The following PM20D1 variants were observed in gnomAD, a reference collection of about 807,000 sequenced individuals.
PM20D1 encodes peptidase M20 domain containing 1.
PM20D1 carries 53 observed loss-of-function variants against 53.8 expected under a neutral mutation model. That is an observed-to-expected ratio of 0.98 (90% CI 0.79 to 1.24). PM20D1 has a LOEUF of 1.24. Ranked by LOEUF, PM20D1 falls within the 50% of genes most tolerant of loss-of-function variation. The pLI is 0.00. For synonymous variants in PM20D1, 239 were observed against 241.3 expected, an observed-to-expected ratio of 0.99 and a Z score of 0.09; for missense variants, 564 against 616.8, an observed-to-expected ratio of 0.91 and a Z score of 0.91.
At chr1:205,830,075 C>T (rs1050142987) in intron 12 of PM20D1, 3 of 484,108 alleles carry the variant, frequency 6.2e-6, no homozygotes, top group Non-Finnish European at 1.1e-5. Flanking sequence ...AAAGAGGGGC[C>T]AATTTCCATA....
chr1:205,850,052 G>A lies in PM20D1; in HGVS notation c.21C>T (p.Cys7=). 6.2e-7 allele frequency: 1 copy of A among 1,613,796 alleles called. No individual in the cohort carries two copies. The highest frequency in any genetic ancestry group is 8.5e-7 in the Non-Finnish European group (1 of 1,179,762). The change falls in exon 1 of 13, where the codon TGC becomes TGT. Residue 7 remains cysteine (C), a synonymous_variant. Transcript: ENST00000367136. MAQRCV[C]VLALVAMLLL... ...GCAGCATAGCCACCAGGGCCAGCAC[G>A]CAAACGCACCGCTGAGCCATGCTTC...
chr1:205,841,795 G>T lies in PM20D1; in HGVS notation c.1044+16C>A, dbSNP rs1489089684. ...CGGTAGGGAAAAGCTATATGGGGAG[G>T]AACCAGGGATGTTACCTTGACCCCT... On this transcript the variant is annotated intron_variant, in intron 9 of 12. Transcript: ENST00000367136. The T allele has an allele frequency of 6.4e-7, 1 of 1,554,884 alleles. No homozygotes were observed. Among genetic ancestry groups the T allele is most frequent in the Admixed American group, 1.9e-5 (1 of 52,624 alleles).
At position 205,842,286 on chromosome 1, in the gene PM20D1, T is replaced by C; in HGVS notation, c.904-71A>G. 3.5e-6 allele frequency: 5 copies of C among 1,410,384 alleles called. No homozygotes were observed. The South Asian group carries it at 5.8e-5, about 16-fold the overall frequency. 87.4% of individuals were successfully genotyped at this position (1,410,384 alleles called of 1,614,324 possible). ...CCTGGGTCTCTGAGACCTGAGTCTCTCTCTACTTTAGAGCTGCCTCAGGGG... is the reference window on the plus strand; with the variant it reads ...CCTGGGTCTCTGAGACCTGAGTCTCCCTCTACTTTAGAGCTGCCTCAGGGG... On this transcript the variant is annotated intron_variant, in intron 7 of 12. Coordinates refer to ENST00000367136, the MANE Select transcript of PM20D1 (RefSeq NM_152491.5).
Position 205,828,745 on chromosome 1 carries a change from T to C in PM20D1, c.1386-2A>G. The C allele has an allele frequency of 6.2e-7, 1 of 1,613,912 alleles. No individual in the cohort carries two copies. The highest frequency in any genetic ancestry group is 2.2e-5 in the East Asian group (1 of 44,870). On this transcript the variant is annotated splice_acceptor_variant, in intron 12 of 12. Transcript: ENST00000367136. LOFTEE classifies it high-confidence loss of function. Reference sequence around the variant, plus strand: ...ATTTTCTCGTTGACTCCATGGATGCTGAGGAAAGTAAGGTGCATTTAGGGA... The same window carrying C: ...ATTTTCTCGTTGACTCCATGGATGCCGAGGAAAGTAAGGTGCATTTAGGGA...
chr1:205,830,481 C>G, intron 11 of PM20D1, 102 bp from the exon 12 acceptor site: 4 of 778,794 alleles, frequency 5.1e-6, no homozygotes, highest in Non-Finnish European at 9.1e-6. Context: ...TACTGGATCA[C>G]TACAGAGCAA....
chr1:205,832,479 G>GA, intron 11 of PM20D1, 119 bp downstream of exon 11: 1 of 1,095,560 alleles, frequency 9.1e-7, no homozygotes, highest in South Asian at 1.5e-5. Context: ...CTCATCAGGA[G>GA]GGGAAGCAGC....
Position 205,847,986 on chromosome 1 carries a change from T to C in PM20D1, c.170-15A>G, listed in dbSNP as rs1235705926. 3.7e-6 allele frequency: 6 copies of C among 1,602,722 alleles called. 1 individual carries two copies. The East Asian group carries it at 6.7e-5, about 18-fold the overall frequency. Reference sequence around the variant, plus strand: ...CTGGATGGCACCTGTCAGAGTCAAATAGAGATGAAAGATTGAAAATGAATT... The same window carrying C: ...CTGGATGGCACCTGTCAGAGTCAAACAGAGATGAAAGATTGAAAATGAATT... On this transcript the variant is annotated splice_polypyrimidine_tract_variant and intron_variant, in intron 1 of 12. Coordinates refer to ENST00000367136, the MANE Select transcript of PM20D1 (RefSeq NM_152491.5).
chr1:205,830,017 C>T lies in PM20D1; in HGVS notation c.1385+263G>A, dbSNP rs183615206. The T allele has an allele frequency of 1.4e-3, 504 of 370,006 alleles. 1 individual carries two copies. The highest frequency in any genetic ancestry group is 2.2e-3 in the Non-Finnish European group (451 of 201,352). The allele number at this position is 370,006 out of a possible 1,614,324, so 22.9% of individuals were successfully genotyped here. A position where few individuals can be genotyped will look rare whatever the true frequency, so the allele number is the denominator to read the frequency against. ...AGCTGGGATTAGCACCCAAGGGTAC[C>T]GATTCCACCAGGTTCTCCCCAATCA... is the stretch of plus-strand genomic sequence containing the variant. On this transcript the variant is annotated intron_variant, in intron 12 of 12. Coordinates refer to ENST00000367136, the MANE Select transcript of PM20D1 (RefSeq NM_152491.5).
chr1:205,830,949 G>A (rs905196684), intron 11 of PM20D1, among the ~76,000 whole-genome samples: 11 of 152,290 alleles, frequency 7.2e-5, no homozygotes, highest in South Asian at 4.1e-4. Context: ...CCTTTATTCT[G>A]TATCACTCTA....
rs1553259961 is a variant in PM20D1 at position 205,832,675 on chromosome 1, T to C, written c.1208A>G (p.Asp403Gly). 6.2e-7 allele frequency: 1 copy of C among 1,614,066 alleles called. No individual in the cohort carries two copies. Among genetic ancestry groups the C allele is most frequent in the South Asian group, 1.1e-5 (1 of 91,080 alleles). ...AFDPLPVSPS[D>G]DKALGYQLLR... The stretch of plus-strand genomic sequence containing the variant: ...CAGCTGGTAGCCCAAGGCCTTGTCA[T>C]CAGAAGGGCTGACGGGGAGGGGGTC... The change falls in exon 11 of 13, where the codon GAT becomes GGT. Residue 403 changes from aspartate (D) to glycine (G), a missense_variant. By Grantham distance (94) the Asp-to-Gly change is moderately conservative. Coordinates refer to ENST00000367136, the MANE Select transcript of PM20D1 (RefSeq NM_152491.5).
At chr1:205,831,155 G>A (rs1656550223) in intron 11 of PM20D1, among the ~76,000 whole-genome samples, 1 of 152,184 alleles carries the variant, frequency 6.6e-6, no homozygotes, top group Admixed American at 6.5e-5. Flanking sequence ...AGCAGAGGCT[G>A]GGACTTGTGC....
Position 205,840,313 on chromosome 1 carries a change from A to T in PM20D1, c.1055T>A (p.Ile352Asn), listed in dbSNP as rs777839351. ...IFKAGVKFNV[I>N]PPVAQATVNF... ...GACTGTGGCCTGGGCCACTGGGGGG[A>T]TGACATTGAACTAGAGAGAGAAGCA... Residue 352 changes from isoleucine to asparagine, a missense_variant, in exon 10 of 13, where the codon ATC becomes AAC. Ile to Asn is a moderately radical substitution (Grantham distance 149). Coordinates refer to ENST00000367136, the MANE Select transcript of PM20D1 (RefSeq NM_152491.5). The T allele has an allele frequency of 5.0e-6, 8 of 1,613,496 alleles. No individual in the cohort carries two copies. The highest frequency in any genetic ancestry group is 1.3e-5 in the African/African-American group (1 of 74,982).
intron 10 of PM20D1, among the ~76,000 whole-genome samples, chr1:205,836,065 G>A (rs748255831): frequency 1.3e-5 from 2 of 152,038 alleles, no homozygotes; most frequent in East Asian, 1.9e-4. Flanking sequence ...TAGTGGAGAC[G>A]GGGTTTCACC....
At chr1:205,847,813 T>C (rs1657025178) in intron 2 of PM20D1, 72 bp downstream of exon 2, 3 of 933,670 alleles carry the variant, frequency 3.2e-6, no homozygotes, top group Non-Finnish European at 5.3e-6. Flanking sequence ...AACTTCTTTA[T>C]CACTTTGTAA....
At chr1:205,843,937 G>C (rs1656878424) in intron 5 of PM20D1, 150 bp downstream of exon 5, 1 of 1,463,652 alleles carries the variant, frequency 6.8e-7, no homozygotes, top group Admixed American at 2.2e-5. Context: ...GAATGGAAGG[G>C]GAAGCCTAGG....
intron 10 of PM20D1, 35 bp downstream of exon 10, chr1:205,840,217 T>G: frequency 1.3e-6 from 2 of 1,586,236 alleles, no homozygotes; most frequent in African/African-American, 2.7e-5. Context: ...TCCCTGATGC[T>G]GCATGAGTTG....
At position 205,828,665 on chromosome 1, in the gene PM20D1, A is replaced by G; in HGVS notation, c.1464T>C (p.Asn488=). ...QVKFIFELIQ[N]ADTDQEPVSH... Reference sequence around the variant, plus strand: ...AAACTGGCTCCTGGTCTGTGTCAGCATTCTGAATCAACTCAAAGATGAATT... The same window carrying G: ...AAACTGGCTCCTGGTCTGTGTCAGCGTTCTGAATCAACTCAAAGATGAATT... Residue 488 remains asparagine, a synonymous_variant, in exon 13 of 13, where the codon AAT becomes AAC. Coordinates refer to ENST00000367136, the MANE Select transcript of PM20D1 (RefSeq NM_152491.5). The G allele has an allele frequency of 6.2e-7, 1 of 1,614,214 alleles. No homozygotes were observed. Among genetic ancestry groups the G allele is most frequent in the East Asian group, 2.2e-5 (1 of 44,890 alleles).
At chr1:205,836,415 A>T (rs1238443593) in intron 10 of PM20D1, among the ~76,000 whole-genome samples, 1 of 152,214 alleles carries the variant, frequency 6.6e-6, no homozygotes, top group East Asian at 1.9e-4. Context: ...AGTGGCAGAA[A>T]GCTCGTCACT....
At position 205,839,399 on chromosome 1, in the gene PM20D1, A is replaced by G. The variant is rs559475609; in HGVS notation, c.1116+853T>C. On this transcript the variant is annotated intron_variant, in intron 10 of 12. Transcript: ENST00000367136. ...ATAATCATAGTTTAGGGTTGTGGCTAAAAGCACAAACTCTGGAACTAGACT... is the reference window on the plus strand; with the variant it reads ...ATAATCATAGTTTAGGGTTGTGGCTGAAAGCACAAACTCTGGAACTAGACT... 5.9e-5 allele frequency among the ~76,000 whole-genome samples: 9 copies of G among 152,334 alleles called. No homozygotes were observed. In the South Asian group the frequency reaches 1.9e-3, roughly 32 times the overall value.
Sources: gnomAD v4.1 joint callset for allele counts (sites outside exome capture counted in the v4.1 genomes callset) on GRCh38, gnomAD v4.1.1 for gene constraint, MANE v1.5 for transcripts, NCBI Gene and HGNC (gene_info 2026-07-23, HGNC 2026-07-21) for gene names.